The following ZNF527 variants were observed in gnomAD, a reference collection of about 807,000 sequenced individuals.
ZNF527 encodes zinc finger protein 527.
Under a neutral mutation model 13.5 loss-of-function variants are expected in ZNF527, and 5 were observed. That is an observed-to-expected ratio of 0.37 (90% CI 0.19 to 0.78). The LOEUF is 0.78. Ranked by LOEUF, ZNF527 falls within the 30% of genes least tolerant of loss-of-function variation. ZNF527 has a pLI of 0.48. For synonymous variants in ZNF527, 209 were observed against 243.1 expected, an observed-to-expected ratio of 0.86 and a Z score of 1.30; for missense variants, 628 against 726.4, an observed-to-expected ratio of 0.86 and a Z score of 1.56.
intron 4 of ZNF527, among the ~76,000 whole-genome samples, chr19:37,383,466 C>T (rs988554464): frequency 6.6e-6 from 1 of 151,888 alleles, no homozygotes; most frequent in Non-Finnish European, 1.5e-5. Context: ...AAACTCCTGA[C>T]CTCAGGTGAT....
rs2040766866 is a variant in ZNF527, at chr19:37,393,049, T to A, written c.*3170T>A. ...TCTGAAGATGTGTATTTTATTTAAA[T>A]TTTTTGTATTAAGTGCCTACTGTGT... On this transcript the variant is annotated 3_prime_UTR_variant, in exon 5 of 5. Transcript: ENST00000436120. 6.6e-6 allele frequency: 1 copy of A among 152,212 alleles called. No homozygotes were observed. Among genetic ancestry groups the A allele is most frequent in the South Asian group, 2.1e-4 (1 of 4,838 alleles). 9.4% of individuals were successfully genotyped at this position (152,212 alleles called of 1,614,324 possible). A position where few individuals can be genotyped will look rare whatever the true frequency, so the allele number is the denominator to read the frequency against.
intron 4 of ZNF527, among the ~76,000 whole-genome samples, chr19:37,382,893 G>T (rs1404057448): frequency 6.6e-6 from 1 of 152,092 alleles, no homozygotes; most frequent in Non-Finnish European, 1.5e-5. Context: ...TTTTAGTAGA[G>T]ACAGGGTTTC....
chr19:37,379,061 T>C, intron 2 of ZNF527, 59 bp from the exon 3 acceptor site: 1 of 1,603,750 alleles, frequency 6.2e-7, no homozygotes, highest in South Asian at 1.1e-5. Flanking sequence ...AATTCATCTT[T>C]TTTGCTAGGA....
chr19:37,380,086 G>A, intron 3 of ZNF527, 191 bp from the exon 4 acceptor site: 1 of 1,159,460 alleles, frequency 8.6e-7, no homozygotes, highest in Non-Finnish European at 1.1e-6. Flanking sequence ...GAGAACCACT[G>A]TCACGGCAGA....
chr19:37,380,346 G>C lies in ZNF527; in HGVS notation c.230G>C (p.Arg77Thr). 2 of 1,614,054 alleles carry C rather than the reference G, an allele frequency of 1.2e-6. No homozygotes were observed. Among genetic ancestry groups the C allele is most frequent in the South Asian group, 2.2e-5 (2 of 91,080 alleles). The change falls in exon 4 of 5, where the codon AGA becomes ACA. Residue 77 changes from arginine (R) to threonine (T), a missense_variant. By Grantham distance (71) the Arg-to-Thr change is moderately conservative. Coordinates refer to ENST00000436120, the MANE Select transcript of ZNF527 (RefSeq NM_032453.2). Reference protein sequence around the residue: ...EQGKEPWMVERKMSQGHCADW... With the variant: ...EQGKEPWMVETKMSQGHCADW... ...GGGAAGGAACCGTGGATGGTGGAGA[G>C]AAAGATGTCACAGGGTCACTGTGCA... is the stretch of plus-strand genomic sequence containing the variant.
intron 4 of ZNF527, among the ~76,000 whole-genome samples, chr19:37,382,337 A>G (rs1479401564): frequency 6.6e-6 from 1 of 152,034 alleles, no homozygotes; most frequent in East Asian, 1.9e-4. Flanking sequence ...AGATATTTAC[A>G]CACACACCCC....
chr19:37,380,259 T>C lies in ZNF527; in HGVS notation c.161-18T>C, dbSNP rs1183129803. The C allele has an allele frequency of 6.2e-7, 1 of 1,613,338 alleles. No homozygotes were observed. The highest frequency in any genetic ancestry group is 8.5e-7 in the Non-Finnish European group (1 of 1,179,532). On this transcript the variant is annotated intron_variant, in intron 3 of 4. Coordinates refer to ENST00000436120, the MANE Select transcript of ZNF527 (RefSeq NM_032453.2). ...GTCTTTCTGTCTCTTGCTCTCATTT[T>C]TCTTCCCCTGTGAACAGGACTCTCC...
chr19:37,380,038 TA>T lies in ZNF527; in HGVS notation c.161-238del, dbSNP rs539071015. ...CGGCCTGAGAATGTGCATTTCTAAT[TA>T]GTTCCTAGGTGATGGCTGCAGCTGC... On this transcript the variant is annotated intron_variant, in intron 3 of 4. Coordinates refer to ENST00000436120, the MANE Select transcript of ZNF527 (RefSeq NM_032453.2). 1.1e-5 allele frequency: 6 copies of T among 538,754 alleles called. No individual in the cohort carries two copies. The South Asian group carries it at 2.1e-4, about 18-fold the overall frequency. The allele number at this position is 538,754 out of a possible 1,614,324, so 33.4% of individuals were successfully genotyped here.
rs1555826993 is a variant in ZNF527, at chr19:37,375,311, T to TTTTCTTTC, written c.33+1101_33+1108dup. Among the ~76,000 whole-genome samples, 146 of 79,818 alleles carry TTTTCTTTC rather than the reference T, an allele frequency of 1.8e-3. 4 individuals carry two copies. The highest frequency in any genetic ancestry group is 7.4e-3 in the African/African-American group (131 of 17,780). 52.4% of individuals were successfully genotyped at this position (79,818 alleles called of 152,430 possible). On this transcript the variant is annotated intron_variant, in intron 2 of 4. Transcript: ENST00000436120. Reference sequence around the variant, plus strand: ...CTTTCTTTCTTTCTTTCTTTCTTTCTTTTCTTTCTTTCTTTCTTTCTTTCT... The same window carrying TTTTCTTTC: ...CTTTCTTTCTTTCTTTCTTTCTTTCTTTTCTTTCTTTCTTTCTTTCTTTCTTTCTTTCT...
At chr19:37,384,886 A>C (rs1405743636) in intron 4 of ZNF527, 1 of 700,112 alleles carries the variant, frequency 1.4e-6, no homozygotes, top group Non-Finnish European at 2.6e-6. Flanking sequence ...TCTGTTGCCC[A>C]GGCTGGAGTG....
chr19:37,389,373 T>C lies in ZNF527; in HGVS notation c.1324T>C (p.Phe442Leu). ...HQRIHTGEKP[F>L]KCSECGKTFG... is the part of the protein sequence containing the mutation. Reference sequence around the variant, plus strand: ...AAGAATTCACACAGGAGAGAAACCCTTCAAATGTAGTGAATGTGGGAAGAC... The same window carrying C: ...AAGAATTCACACAGGAGAGAAACCCCTCAAATGTAGTGAATGTGGGAAGAC... The change falls in exon 5 of 5, where the codon TTC (phenylalanine) becomes CTC (leucine). Residue 442 changes from phenylalanine (F) to leucine (L), a missense_variant. Coordinates refer to ENST00000436120, the MANE Select transcript of ZNF527 (RefSeq NM_032453.2). 6.2e-7 allele frequency: 1 copy of C among 1,614,218 alleles called. No individual in the cohort carries two copies. Among genetic ancestry groups the C allele is most frequent in the South Asian group, 1.1e-5 (1 of 91,084 alleles).
At chr19:37,385,089 C>G in intron 4 of ZNF527, 1 of 507,806 alleles carries the variant, frequency 2.0e-6, no homozygotes, top group East Asian at 3.0e-5. Context: ...GCATCCCAAA[C>G]TGTTGGGATT....
Position 37,388,629 on chromosome 19 carries a change from G to C in ZNF527, c.580G>C (p.Asp194His), listed in dbSNP as rs532320672. The C allele has an allele frequency of 1.2e-6, 2 of 1,613,382 alleles. No individual in the cohort carries two copies. The highest frequency in any genetic ancestry group is 1.3e-5 in the African/African-American group (1 of 74,986). Residue 194 changes from aspartate to histidine, a missense_variant, in exon 5 of 5, where the codon GAT becomes CAT. Coordinates refer to ENST00000436120, the MANE Select transcript of ZNF527 (RefSeq NM_032453.2). ...TACCATACAGCAAGTACATAAATTT[G>C]ATATTTATGATAAACTCTTCCCCCA... is the stretch of plus-strand genomic sequence containing the variant. Reference protein sequence around the residue: ...VPTIQQVHKFDIYDKLFPQNS... With the variant: ...VPTIQQVHKFHIYDKLFPQNS...
chr19:37,372,477 T>C lies in ZNF527; in HGVS notation c.-42+1251T>C, dbSNP rs2040567163. Among the ~76,000 whole-genome samples the C allele has an allele frequency of 2.2e-5, 3 of 136,992 alleles. 1 individual carries two copies. Among genetic ancestry groups the C allele is most frequent in the South Asian group, 5.0e-4 (2 of 3,966 alleles). The allele number at this position is 136,992 out of a possible 152,430, so 89.9% of individuals were successfully genotyped here. ...CTTTTCTTTTCTTTTCTTTTTTTTTTTTTTTTTTTTTTTGAGACAGAGTCT... is the reference window on the plus strand; with the variant it reads ...CTTTTCTTTTCTTTTCTTTTTTTTTCTTTTTTTTTTTTTGAGACAGAGTCT... On this transcript the variant is annotated intron_variant, in intron 1 of 4. Transcript: ENST00000436120.
chr19:37,377,588 T>C (rs562873627), intron 2 of ZNF527, among the ~76,000 whole-genome samples: 2 of 152,302 alleles, frequency 1.3e-5, no homozygotes, highest in South Asian at 4.1e-4. Context: ...AAGGCAACTA[T>C]TTAAAAGATA....
rs528511317 is a variant in ZNF527 at position 37,391,152 on chromosome 19, T to C, written c.*1273T>C. 2.2e-4 allele frequency: 33 copies of C among 152,360 alleles called. No individual in the cohort carries two copies. The highest frequency in any genetic ancestry group is 7.5e-4 in the African/African-American group (31 of 41,582). The allele number at this position is 152,360 out of a possible 1,614,324, so 9.4% of individuals were successfully genotyped here. On this transcript the variant is annotated 3_prime_UTR_variant, in exon 5 of 5. Transcript: ENST00000436120. ...GAGAATAATACTTTCATTTGTTTAA[T>C]GAATGGCTCTTCATCTTCAAGGAAT...
chr19:37,386,974 G>A (rs944585242), intron 4 of ZNF527, among the ~76,000 whole-genome samples: 15 of 151,996 alleles, frequency 9.9e-5, no homozygotes, highest in Admixed American at 2.6e-4. Context: ...TCAGGCCTGG[G>A]TGTAGACAAG....
At chr19:37,375,311 T>C (rs11879113) in intron 2 of ZNF527, among the ~76,000 whole-genome samples, 2,887 of 79,646 alleles carry the variant, frequency 0.036, 138 homozygotes, top group African/African-American at 0.1. Context: ...TCTTTCTTTC[T>C]TTTCTTTCTT....
intron 2 of ZNF527, among the ~76,000 whole-genome samples, chr19:37,376,475 G>A (rs2040608693): frequency 6.6e-6 from 1 of 151,954 alleles, no homozygotes; most frequent in African/African-American, 2.4e-5. Flanking sequence ...GGAGTTCAAG[G>A]CTAGCCTGGC....
Sources: allele counts gnomAD v4.1 joint callset (sites outside exome capture counted in the v4.1 genomes callset), GRCh38; gene constraint gnomAD v4.1.1; transcripts MANE v1.5; gene names NCBI Gene and HGNC (gene_info 2026-07-23, HGNC 2026-07-21).